ABCC8: variants seen among roughly 807,000 people sequenced by gnomAD.
ABCC8 encodes the protein ATP-binding cassette sub-family C member 8.
Under a neutral mutation model 188.0 loss-of-function variants are expected in ABCC8, and 137 were observed. The observed-to-expected ratio is 0.73, with a 90% CI of 0.63 to 0.84. The LOEUF is 0.84. Among genes scored for constraint, ABCC8 ranks in the 40% least tolerant of loss-of-function variants. The pLI is 0.00. For missense variants in ABCC8, 1,750 were observed against 2,072.7 expected (o/e 0.84, Z 3.02); for synonymous variants, 797 against 846.5 (o/e 0.94, Z 1.01).
intron 17 of ABCC8, 117 bp from the exon 18 acceptor site, chr11:17,415,456 A>C (rs1322187065): frequency 1.3e-6 from 2 of 1,542,602 alleles, no homozygotes; most frequent in African/African-American, 2.7e-5. Context: ...CCCTGGACCC[A>C]GTCTGTAGCC....
chr11:17,471,812 C>T (rs2133717151), intron 2 of ABCC8, among the ~76,000 whole-genome samples: 1 of 152,298 alleles, frequency 6.6e-6, no homozygotes, highest in African/African-American at 2.4e-5. Flanking sequence ...CAATAAGCAT[C>T]AAACCAACTT....
At chr11:17,422,190 G>A (rs1955377373) in intron 16 of ABCC8, among the ~76,000 whole-genome samples, 1 of 152,198 alleles carries the variant, frequency 6.6e-6, no homozygotes, top group Non-Finnish European at 1.5e-5. Context: ...GGATAGGTGG[G>A]CCAGCCAGAG....
intron 1 of ABCC8, 46 bp from the exon 2 acceptor site, chr11:17,475,073 G>A (rs1305795261): frequency 4.3e-6 from 7 of 1,611,806 alleles, no homozygotes; most frequent in Middle Eastern, 1.7e-4. Flanking sequence ...CCACTTGGAG[G>A]AGGAAGAGGG....
At position 17,474,937 on chromosome 11, in the gene ABCC8, A is replaced by C. The variant is rs797045208; in HGVS notation, c.239T>G (p.Met80Arg). 3.7e-6 allele frequency: 6 copies of C among 1,614,218 alleles called. No homozygotes were observed. The highest frequency in any genetic ancestry group is 5.1e-6 in the Non-Finnish European group (6 of 1,180,044). The change falls in exon 2 of 39, where the codon ATG (methionine) becomes AGG (arginine). Residue 80 changes from methionine (M) to arginine (R), a missense_variant. Physicochemically the swap from Met to Arg is moderately conservative, Grantham distance 91. Coordinates refer to ENST00000389817, the MANE Select transcript of ABCC8 (RefSeq NM_000352.6). Reference protein sequence around the residue: ...GHNLRWILTFMLLFVLVCEIA... With the variant: ...GHNLRWILTFRLLFVLVCEIA... ...CTCACACACCAGGACGAAGAGCAGC[A>C]TGAAGGTCAGGATCCACCGCAGGTT...
chr11:17,407,088 T>C lies in ABCC8; in HGVS notation c.2962A>G (p.Met988Val), dbSNP rs1300458693. Residue 988 changes from methionine (M) to valine (V), a missense_variant, in exon 25 of 39, where the codon ATG becomes GTG. By Grantham distance (21) the Met-to-Val change is conservative (BLOSUM62 1). Coordinates refer to ENST00000389817, the MANE Select transcript of ABCC8 (RefSeq NM_000352.6). Reference sequence around the variant, plus strand: ...GGGATCTCAGCACGCTGGTGCAGCATGGACGACAGGTTGTCATCCTCCTCG... The same window carrying C: ...GGGATCTCAGCACGCTGGTGCAGCACGGACGACAGGTTGTCATCCTCCTCG... ...ESEEDDNLSS[M>V]LHQRAEIPWR... The C allele has an allele frequency of 1.2e-6, 2 of 1,613,702 alleles. No individual in the cohort carries two copies. Among genetic ancestry groups the C allele is most frequent in the African/African-American group, 2.7e-5 (2 of 74,926 alleles).
At chr11:17,450,990 CT>C (rs573022535) in intron 7 of ABCC8, among the ~76,000 whole-genome samples, 353 of 152,190 alleles carry the variant, frequency 2.3e-3, no homozygotes, top group African/African-American at 8.1e-3. Flanking sequence ...CTCCACCCCC[CT>C]AATTTGTTTC....
intron 3 of ABCC8, among the ~76,000 whole-genome samples, chr11:17,468,604 G>T (rs967566126): frequency 6.6e-6 from 1 of 152,086 alleles, no homozygotes; most frequent in Non-Finnish European, 1.5e-5. Flanking sequence ...ATATGTAAAG[G>T]GAAAATAATA....
At position 17,460,595 on chromosome 11, in the gene ABCC8, T is replaced by A. The variant is rs759124624; in HGVS notation, c.904A>T (p.Ser302Cys). The change falls in exon 6 of 39, where the codon AGC becomes TGC. Residue 302 changes from serine (S) to cysteine (C), a missense_variant. Physicochemically the swap from Ser to Cys is moderately radical, Grantham distance 112. Coordinates refer to ENST00000389817, the MANE Select transcript of ABCC8 (RefSeq NM_000352.6). The part of the protein sequence containing the change: ...SHAFGRRLVL[S>C]STFRILADLL... ...TCGGCCAAGATGCGGAAAGTGCTGC[T>A]GAGGACCAGGCGCCTCCCGAAGGCA... is the stretch of plus-strand genomic sequence containing the variant. 4 of 1,613,518 alleles carry A rather than the reference T, an allele frequency of 2.5e-6. No homozygotes were observed.
At chr11:17,411,600 C>T (rs919703186) in intron 21 of ABCC8, among the ~76,000 whole-genome samples, 1 of 152,232 alleles carries the variant, frequency 6.6e-6, no homozygotes. Context: ...AAATGGCCTC[C>T]CTCTTTCCTT....
intron 16 of ABCC8, among the ~76,000 whole-genome samples, chr11:17,420,872 C>T (rs930753665): frequency 2.6e-5 from 4 of 152,226 alleles, no homozygotes; most frequent in Non-Finnish European, 5.9e-5. Flanking sequence ...AAACATTTTC[C>T]TCTTAAGGAT....
rs748233295 is a variant in ABCC8, at chr11:17,395,903, C to T, written c.4147G>A (p.Gly1383Arg). 1.9e-6 allele frequency: 3 copies of T among 1,589,810 alleles called. No homozygotes were observed. In the African/African-American group the frequency reaches 4.0e-5, roughly 21 times the overall value. The stretch of plus-strand genomic sequence containing the variant: ...AAGGCAAGAGAGAAGGAGGACTTCC[C>T]ACTGCCGGTGCGGCCGCAGATCCCG... ...KIGICGRTGS[G>R]KSSFSLAFFR... Residue 1383 changes from glycine to arginine, a missense_variant, in exon 34 of 39, where the codon GGG becomes AGG. Transcript: ENST00000389817.
chr11:17,461,946 C>G, intron 4 of ABCC8, 121 bp from the exon 5 acceptor site: 1 of 1,492,220 alleles, frequency 6.7e-7, no homozygotes, highest in South Asian at 1.3e-5. Context: ...ATGGGGCCAT[C>G]TTTCGCCTGT....
At chr11:17,472,998 C>G (rs1848563238) in intron 2 of ABCC8, among the ~76,000 whole-genome samples, 1 of 152,160 alleles carries the variant, frequency 6.6e-6, no homozygotes, top group Non-Finnish European at 1.5e-5. Context: ...CCTCTTTACT[C>G]CTTGAAATAA....
intron 21 of ABCC8, among the ~76,000 whole-genome samples, chr11:17,411,751 G>C (rs912562244): frequency 1.3e-5 from 2 of 152,140 alleles, no homozygotes; most frequent in African/African-American, 4.8e-5. Context: ...TGGGCCTCTT[G>C]AACTGGGTGA....
Position 17,443,238 on chromosome 11 carries a change from T to C in ABCC8, c.1407A>G (p.Leu469=), listed in dbSNP as rs751643248. Residue 469 remains leucine, a synonymous_variant, in exon 9 of 39, where the codon CTA becomes CTG. Transcript: ENST00000389817. ...SALIGAAVII[L]LAPVQYFVAT... is the part of the protein sequence containing the mutation. ...CCACGAAGTACTGGACAGGAGCCAGTAGAATGATGACAGCTGCTCCAATTA... is the reference window on the plus strand; with the variant it reads ...CCACGAAGTACTGGACAGGAGCCAGCAGAATGATGACAGCTGCTCCAATTA... 1.2e-6 allele frequency: 2 copies of C among 1,613,928 alleles called. No individual in the cohort carries two copies. The highest frequency in any genetic ancestry group is 1.6e-4 in the Middle Eastern group (1 of 6,084).
intron 16 of ABCC8, among the ~76,000 whole-genome samples, chr11:17,423,620 AG>A (rs1955452164): frequency 6.6e-6 from 1 of 152,208 alleles, no homozygotes; most frequent in Non-Finnish European, 1.5e-5. Flanking sequence ...TGGAGAAATG[AG>A]ACCCCTTCAC....
intron 17 of ABCC8, among the ~76,000 whole-genome samples, chr11:17,416,545 A>G (rs1955082712): frequency 6.6e-6 from 1 of 152,108 alleles, no homozygotes; most frequent in Non-Finnish European, 1.5e-5. Flanking sequence ...TATCTCCACT[A>G]TCTAATTCCA....
At chr11:17,470,626 G>A (rs1296607774) in intron 2 of ABCC8, among the ~76,000 whole-genome samples, 1 of 152,184 alleles carries the variant, frequency 6.6e-6, no homozygotes, top group Non-Finnish European at 1.5e-5. Flanking sequence ...TCTGTGCCAG[G>A]CACTGTTCTA....
rs376602764 is a variant in ABCC8, at chr11:17,428,396, C to T, written c.1933G>A (p.Val645Ile). ...ASKYQAVPLR[V>I]VNRKRPARED... ...CGGGCTGGACGCTTGCGGTTCACAA[C>T]CCTGAGGGGCTGGGGGTGGTTTGGA... The change falls in exon 14 of 39, where the codon GTT (valine) becomes ATT (isoleucine). Residue 645 changes from valine (V) to isoleucine (I), a missense_variant. By Grantham distance (29) the Val-to-Ile change is conservative. Coordinates refer to ENST00000389817, the MANE Select transcript of ABCC8 (RefSeq NM_000352.6). 1.2e-6 allele frequency: 2 copies of T among 1,613,096 alleles called. No homozygotes were observed. The highest frequency in any genetic ancestry group is 1.7e-4 in the Middle Eastern group (1 of 6,058).
Sources: gnomAD v4.1 joint callset for allele counts (sites outside exome capture counted in the v4.1 genomes callset) on GRCh38, gnomAD v4.1.1 for gene constraint, MANE v1.5 for transcripts, NCBI Gene and HGNC (gene_info 2026-07-23, HGNC 2026-07-21) for gene names.